TNKS: variants seen among roughly 807,000 people sequenced by gnomAD.
The protein encoded by TNKS is poly [ADP-ribose] polymerase tankyrase-1.
Under a neutral mutation model 135.8 loss-of-function variants are expected in TNKS, and 72 were observed. The ratio of observed to expected loss-of-function variants is 0.53; its 90% confidence interval spans 0.44 to 0.64. The LOEUF is 0.64. TNKS is among the 30% of genes least tolerant of loss of function. The pLI, the probability that TNKS is intolerant of heterozygous loss-of-function variation, is 0.00. For missense variants in TNKS, 1,769 were observed against 1,674.0 expected (o/e 1.06, Z -0.99); for synonymous variants, 849 against 649.3 (o/e 1.31, Z -4.68).
intron 5 of TNKS, among the ~76,000 whole-genome samples, chr8:9,700,591 C>A (rs1197273244): frequency 7.7e-6 from 1 of 129,742 alleles, no homozygotes; most frequent in Non-Finnish European, 1.6e-5. Flanking sequence ...TCTGGGCTCT[C>A]CTTTCCCTTA....
chr8:9,677,117 A>G (rs1011756841), intron 3 of TNKS, among the ~76,000 whole-genome samples: 3 of 152,296 alleles, frequency 2.0e-5, no homozygotes, highest in Admixed American at 1.3e-4. Flanking sequence ...CCTGGGAGCT[A>G]GCGTTTGAAA....
intron 3 of TNKS, among the ~76,000 whole-genome samples, chr8:9,672,711 C>CACA (rs1399922732): frequency 7.0e-4 from 60 of 85,234 alleles, no homozygotes; most frequent in East Asian, 6.5e-3. Context: ...CACACACACA[C>CACA]AAAAAAAAAA....
At chr8:9,761,376 T>C in intron 20 of TNKS, 140 bp from the exon 21 acceptor site, 3 of 836,150 alleles carry the variant, frequency 3.6e-6, no homozygotes, top group Non-Finnish European at 3.5e-6. Context: ...TTTAAAAAAA[T>C]TGTAAGCTCA....
intron 18 of TNKS, among the ~76,000 whole-genome samples, chr8:9,750,048 C>G (rs1205532203): frequency 6.6e-6 from 1 of 152,218 alleles, no homozygotes; most frequent in East Asian, 1.9e-4. Context: ...ACAGGTCCCT[C>G]TCTAACATGG....
chr8:9,619,520 G>C (rs1308015068), intron 3 of TNKS, among the ~76,000 whole-genome samples: 1 of 152,162 alleles, frequency 6.6e-6, no homozygotes, highest in Non-Finnish European at 1.5e-5. Context: ...TTGCTAAGAT[G>C]GTTGATCCTA....
At chr8:9,602,000 G>A (rs1397303441) in intron 2 of TNKS, among the ~76,000 whole-genome samples, 1 of 152,072 alleles carries the variant, frequency 6.6e-6, no homozygotes, top group African/African-American at 2.4e-5. Flanking sequence ...AAGAGTAGAC[G>A]TTCTCAAGCA....
intron 3 of TNKS, among the ~76,000 whole-genome samples, chr8:9,621,751 T>C (rs1031592880): frequency 7.9e-5 from 12 of 152,184 alleles, no homozygotes; most frequent in Non-Finnish European, 1.5e-4. Context: ...GAATTACTTA[T>C]CAGTTATTAG....
chr8:9,657,750 C>T (rs1481186526), intron 3 of TNKS, among the ~76,000 whole-genome samples: 7 of 143,444 alleles, frequency 4.9e-5, no homozygotes, highest in African/African-American at 1.8e-4. Flanking sequence ...CCCTCACCTC[C>T]CGGACGGGGC....
At chr8:9,624,308 T>C (rs1302580283) in intron 3 of TNKS, among the ~76,000 whole-genome samples, 3 of 152,246 alleles carry the variant, frequency 2.0e-5, no homozygotes, top group Admixed American at 6.5e-5. Flanking sequence ...CTTTAAAATA[T>C]AATAAATTAC....
At chr8:9,682,583 G>A (rs1389084927) in intron 5 of TNKS, among the ~76,000 whole-genome samples, 2 of 151,870 alleles carry the variant, frequency 1.3e-5, no homozygotes, top group Non-Finnish European at 2.9e-5. Flanking sequence ...GTTCCTTAAA[G>A]TTCATAAATA....
intron 5 of TNKS, among the ~76,000 whole-genome samples, chr8:9,694,551 C>T (rs994205920): frequency 2.6e-5 from 4 of 152,152 alleles, no homozygotes; most frequent in Admixed American, 2.6e-4. Context: ...CACTTGAGGT[C>T]AGGAGTTCAC....
intron 1 of TNKS, among the ~76,000 whole-genome samples, chr8:9,577,790 G>A (rs1798009902): frequency 6.6e-6 from 1 of 152,058 alleles, no homozygotes; most frequent in African/African-American, 2.4e-5. Context: ...ATACAATCAT[G>A]CCTTCCCGAT....
chr8:9,636,384 A>G (rs1323316270), intron 3 of TNKS, among the ~76,000 whole-genome samples: 1 of 47,592 alleles, frequency 2.1e-5, no homozygotes, highest in African/African-American at 5.4e-5. Context: ...TGGTTTTCTG[A>G]CCTTAGACAG....
At chr8:9,711,375 C>G (rs1270534604) in intron 11 of TNKS, among the ~76,000 whole-genome samples, 1 of 152,116 alleles carries the variant, frequency 6.6e-6, no homozygotes, top group Non-Finnish European at 1.5e-5. Context: ...TTGTTTGTTC[C>G]CTTTCAGCAT....
At chr8:9,710,432 C>T in intron 11 of TNKS, 2 of 590,692 alleles carry the variant, frequency 3.4e-6, no homozygotes, top group Non-Finnish European at 6.0e-6. Flanking sequence ...TTAATGTCAC[C>T]CTTCTGTAAA....
intron 1 of TNKS, among the ~76,000 whole-genome samples, chr8:9,569,285 A>G (rs1414158124): frequency 6.6e-6 from 1 of 152,236 alleles, no homozygotes; most frequent in Non-Finnish European, 1.5e-5. Flanking sequence ...TAGCACACAC[A>G]CATCATAAGT....
intron 3 of TNKS, among the ~76,000 whole-genome samples, chr8:9,643,780 A>C (rs1800809696): frequency 6.6e-6 from 1 of 152,216 alleles, no homozygotes; most frequent in Non-Finnish European, 1.5e-5. Flanking sequence ...GTATATGCTC[A>C]AAAGAACTGG....
chr8:9,584,760 C>T (rs534049625), intron 2 of TNKS, among the ~76,000 whole-genome samples: 2 of 152,208 alleles, frequency 1.3e-5, no homozygotes, highest in Non-Finnish European at 2.9e-5. Context: ...TCCATCTCTC[C>T]TTATTCTCTA....
At chr8:9,576,676 A>C (rs1797961072) in intron 1 of TNKS, among the ~76,000 whole-genome samples, 1 of 151,842 alleles carries the variant, frequency 6.6e-6, no homozygotes, top group Non-Finnish European at 1.5e-5. Context: ...ATCACTTCCC[A>C]CCAGGCCCCT....
Sources: allele counts gnomAD v4.1 joint callset (sites outside exome capture counted in the v4.1 genomes callset), GRCh38; gene constraint gnomAD v4.1.1; transcripts MANE v1.5; gene names NCBI Gene and HGNC (gene_info 2026-07-23, HGNC 2026-07-21).